DRC4: variants seen among roughly 807,000 people sequenced by gnomAD.
The protein encoded by DRC4 is dynein regulatory complex subunit 4.
chr16:90,032,824 G>A, the DRC4 span: 21 of 1,613,826 alleles, frequency 1.3e-5, no homozygotes, highest in South Asian at 9.9e-5. Flanking sequence ...AAAGAGCACC[G>A]CATACAGGAG....
chr16:90,040,511 T>C, the DRC4 span: 1 of 1,594,696 alleles, frequency 6.3e-7, no homozygotes, highest in Non-Finnish European at 8.5e-7. Context: ...AAGCTGGAGG[T>C]AGGCCCTAGA....
At chr16:90,038,857 A>G in the DRC4 span, among the ~76,000 whole-genome samples, 5 of 152,182 alleles carry the variant, frequency 3.3e-5, no homozygotes, top group Non-Finnish European at 5.9e-5. Flanking sequence ...CCAAGGACCA[A>G]TCCCTGCAGC....
At chr16:90,029,011 T>TG in the DRC4 span, 2 of 1,305,410 alleles carry the variant, frequency 1.5e-6, no homozygotes, top group Non-Finnish European at 2.0e-6. Flanking sequence ...TCTGGAAAGA[T>TG]GTCTGGAGCT....
the DRC4 span, chr16:90,027,521 C>T: frequency 1.0e-6 from 1 of 963,874 alleles, no homozygotes; most frequent in South Asian, 1.4e-5. Context: ...TCCAGGTGAG[C>T]AGAAGGGAGA....
the DRC4 span, chr16:90,042,846 C>T: frequency 3.9e-6 from 2 of 508,024 alleles, no homozygotes; most frequent in East Asian, 3.4e-5. Flanking sequence ...GGGAAGGAAA[C>T]AGACGTCATT....
chr16:90,042,387 A>G, the DRC4 span: 6 of 1,091,388 alleles, frequency 5.5e-6, no homozygotes, highest in Non-Finnish European at 8.4e-6. Flanking sequence ...GATCTCTCAG[A>G]ACGCCCACTG....
At chr16:90,024,955 G>A in the DRC4 span, among the ~76,000 whole-genome samples, 1 of 151,698 alleles carries the variant, frequency 6.6e-6, no homozygotes, top group African/African-American at 2.4e-5. Flanking sequence ...GAATATGGGT[G>A]ATATTTCTGT....
the DRC4 span, among the ~76,000 whole-genome samples, chr16:90,021,124 T>C: frequency 2.0e-5 from 3 of 152,214 alleles, no homozygotes; most frequent in Admixed American, 6.5e-5. Context: ...GCTGAGCCAA[T>C]GCAGTTCTTC....
chr16:90,034,483 G>A, the DRC4 span, among the ~76,000 whole-genome samples: 6 of 152,032 alleles, frequency 3.9e-5, no homozygotes, highest in Non-Finnish European at 8.8e-5. Context: ...TTAGCCGGGC[G>A]TGGTGGCGCA....
At chr16:90,031,240 C>A in the DRC4 span, 8 of 1,605,264 alleles carry the variant, frequency 5.0e-6, no homozygotes, top group Non-Finnish European at 4.2e-6. Flanking sequence ...GGCCACACGC[C>A]CCGTTGCCGT....
the DRC4 span, among the ~76,000 whole-genome samples, chr16:90,033,407 A>C: frequency 6.6e-6 from 1 of 152,204 alleles, no homozygotes; most frequent in African/African-American, 2.4e-5. Context: ...CTCACACCCA[A>C]AATCCCAGCA....
the DRC4 span, among the ~76,000 whole-genome samples, chr16:90,041,192 C>T: frequency 8.5e-5 from 13 of 152,344 alleles, no homozygotes; most frequent in South Asian, 6.2e-4. Context: ...ATTGCAGCTG[C>T]GCCCACGCGC....
chr16:90,026,935 T>C, the DRC4 span, among the ~76,000 whole-genome samples: 1 of 150,908 alleles, frequency 6.6e-6, no homozygotes, highest in Admixed American at 6.6e-5. Context: ...CTTTTTGAGA[T>C]GGAGTCTCAC....
chr16:90,037,646 G>T, the DRC4 span: 2 of 1,106,102 alleles, frequency 1.8e-6, no homozygotes. Context: ...TTGTGTCCTG[G>T]AACCAGGTCT....
chr16:90,028,173 A>ATT, the DRC4 span, among the ~76,000 whole-genome samples: 27 of 63,848 alleles, frequency 4.2e-4, 1 homozygote, highest in African/African-American at 8.8e-4. Context: ...TTAATCGTTC[A>ATT]TTTTTTTTTT....
chr16:90,033,730 C>T, the DRC4 span, among the ~76,000 whole-genome samples: 34 of 152,154 alleles, frequency 2.2e-4, no homozygotes, highest in Non-Finnish European at 1.8e-4. Context: ...TCTGACAAAA[C>T]GCCTGCCCGA....
At chr16:90,020,309 A>G in the DRC4 span, among the ~76,000 whole-genome samples, 1 of 151,728 alleles carries the variant, frequency 6.6e-6, no homozygotes, top group Admixed American at 6.6e-5. Flanking sequence ...ATGTCTCAAA[A>G]AAAAAAAAGA....
chr16:90,024,216 C>T, the DRC4 span, among the ~76,000 whole-genome samples: 1 of 151,986 alleles, frequency 6.6e-6, no homozygotes, highest in East Asian at 1.9e-4. Context: ...GAGGCTGAGG[C>T]AGGAGAATTT....
the DRC4 span, chr16:90,031,599 G>C: frequency 1.4e-4 from 171 of 1,253,732 alleles, 1 homozygote; most frequent in South Asian, 2.5e-3. Flanking sequence ...TCTTGGCTTT[G>C]GGAGTCACAG....
Sources: allele counts gnomAD v4.1 joint callset (sites outside exome capture counted in the v4.1 genomes callset), GRCh38; gene constraint gnomAD v4.1.1; transcripts MANE v1.5; gene names NCBI Gene and HGNC (gene_info 2026-07-23, HGNC 2026-07-21).